GRIK4: variants seen among roughly 807,000 people sequenced by gnomAD.
GRIK4 encodes the protein glutamate receptor ionotropic, kainate 4.
GRIK4 carries 40 observed loss-of-function variants against 104.9 expected under a neutral mutation model. The ratio of observed to expected loss-of-function variants is 0.38; its 90% CI spans 0.30 to 0.50. GRIK4 has a LOEUF of 0.50. Among genes scored for constraint, GRIK4 ranks in the 20% least tolerant of loss-of-function variants. GRIK4 has a pLI of 0.93. For missense variants in GRIK4, 1,047 were observed against 1,308.1 expected (o/e 0.80, Z 3.08); for synonymous variants, 485 against 524.9 (o/e 0.92, Z 1.04).
chr11:120,698,658 C>T (rs1950497376), intron 3 of GRIK4, among the ~76,000 whole-genome samples: 1 of 152,186 alleles, frequency 6.6e-6, no homozygotes. Context: ...GGCCTGCTGC[C>T]CCTTCCCCCT....
intron 3 of GRIK4, among the ~76,000 whole-genome samples, chr11:120,738,382 G>C (rs1951264582): frequency 6.6e-6 from 1 of 152,230 alleles, no homozygotes; most frequent in Non-Finnish European, 1.5e-5. Flanking sequence ...AGGGAACCTT[G>C]AGTGATGCAA....
At chr11:120,786,743 A>C (rs1463445410) in intron 3 of GRIK4, among the ~76,000 whole-genome samples, 1 of 152,234 alleles carries the variant, frequency 6.6e-6, no homozygotes, top group Non-Finnish European at 1.5e-5. Flanking sequence ...TGGAAGATGA[A>C]GATGAGACCT....
At chr11:120,769,801 G>T (rs1951907417) in intron 3 of GRIK4, among the ~76,000 whole-genome samples, 1 of 152,104 alleles carries the variant, frequency 6.6e-6, no homozygotes, top group South Asian at 2.1e-4. Flanking sequence ...TGTTTTTGAG[G>T]GTCTGCAAGA....
intron 19 of GRIK4, among the ~76,000 whole-genome samples, chr11:120,977,061 T>C (rs1944572777): frequency 6.6e-6 from 1 of 152,230 alleles, no homozygotes; most frequent in South Asian, 2.1e-4. Flanking sequence ...ACAAAGAACA[T>C]TATTCATTTG....
intron 1 of GRIK4, among the ~76,000 whole-genome samples, chr11:120,570,612 A>C (rs1216586097): frequency 6.6e-6 from 1 of 151,982 alleles, no homozygotes; most frequent in African/African-American, 2.4e-5. Context: ...GCACCATCAC[A>C]CCTGGCTATT....
rs556214450 is a variant in GRIK4, at chr11:120,686,051, C to T, written c.82+25651C>T. ...AATTTACTTTTGAGTCTCAGTATAC[C>T]TTTAAAGTGGGATTAATTACATGTG... On this transcript the variant is annotated intron_variant, in intron 3 of 20. Coordinates refer to ENST00000527524, the MANE Select transcript of GRIK4 (RefSeq NM_014619.5). 6.6e-5 allele frequency among the ~76,000 whole-genome samples: 10 copies of T among 152,100 alleles called. No homozygotes were observed. In the South Asian group the frequency reaches 2.1e-3, roughly 32 times the overall value.
At chr11:120,671,958 G>A (rs1319923772) in intron 3 of GRIK4, among the ~76,000 whole-genome samples, 1 of 152,154 alleles carries the variant, frequency 6.6e-6, no homozygotes. Flanking sequence ...TATTTCTGAG[G>A]TCTCCGTTCT....
intron 16 of GRIK4, 133 bp from the exon 17 acceptor site, chr11:120,960,775 TC>T: frequency 1.6e-6 from 1 of 630,254 alleles, no homozygotes. Flanking sequence ...TCCTTTCTCT[TC>T]CCCCACTAAG....
intron 3 of GRIK4, among the ~76,000 whole-genome samples, chr11:120,719,124 A>T (rs960943446): frequency 4.0e-5 from 6 of 150,758 alleles, no homozygotes; most frequent in Admixed American, 4.0e-4. Context: ...TTTTAAATAA[A>T]CAAGATTTTA....
intron 16 of GRIK4, among the ~76,000 whole-genome samples, chr11:120,960,297 C>A (rs377622793): frequency 1.3e-5 from 2 of 152,304 alleles, no homozygotes; most frequent in East Asian, 1.9e-4. Flanking sequence ...CCACTGCACT[C>A]CAGCCTGGCA....
At chr11:120,955,810 C>CTT (rs11451797) in intron 15 of GRIK4, among the ~76,000 whole-genome samples, 108 of 146,994 alleles carry the variant, frequency 7.3e-4, no homozygotes, top group East Asian at 3.8e-3. Context: ...CAGCAGCATT[C>CTT]TTTTTTTTTT....
At chr11:120,908,874 G>A (rs1592068335) in intron 13 of GRIK4, among the ~76,000 whole-genome samples, 1 of 152,230 alleles carries the variant, frequency 6.6e-6, no homozygotes, top group East Asian at 1.9e-4. Context: ...CCAAGACACT[G>A]GTAACAGCAC....
At chr11:120,565,132 G>A (rs910915517) in intron 1 of GRIK4, among the ~76,000 whole-genome samples, 2 of 152,216 alleles carry the variant, frequency 1.3e-5, no homozygotes, top group African/African-American at 4.8e-5. Flanking sequence ...TGCGGAGCCC[G>A]CGTCATCCTG....
At chr11:120,699,420 A>C (rs898905124) in intron 3 of GRIK4, among the ~76,000 whole-genome samples, 8 of 152,026 alleles carry the variant, frequency 5.3e-5, no homozygotes, top group African/African-American at 1.7e-4. Flanking sequence ...TCTACAAATA[A>C]ATATTTATTT....
chr11:120,895,342 T>C (rs1161856815), intron 11 of GRIK4, among the ~76,000 whole-genome samples: 2 of 152,168 alleles, frequency 1.3e-5, no homozygotes, highest in Non-Finnish European at 2.9e-5. Context: ...ATCCCAGTGC[T>C]GACATCTAGC....
chr11:120,647,936 A>T (rs1442748762), intron 1 of GRIK4, among the ~76,000 whole-genome samples: 1 of 152,152 alleles, frequency 6.6e-6, no homozygotes, highest in Non-Finnish European at 1.5e-5. Flanking sequence ...GCATGTGGGT[A>T]TGCTGGCGCA....
At chr11:120,842,292 G>A (rs1372372829) in intron 8 of GRIK4, among the ~76,000 whole-genome samples, 1 of 152,194 alleles carries the variant, frequency 6.6e-6, no homozygotes, top group African/African-American at 2.4e-5. Context: ...TCCTCTTAGA[G>A]ACCAGTGTTA....
intron 19 of GRIK4, among the ~76,000 whole-genome samples, chr11:120,975,762 C>A (rs775246501): frequency 1.3e-5 from 2 of 152,118 alleles, no homozygotes; most frequent in Non-Finnish European, 2.9e-5. Context: ...CCCCCTGCAG[C>A]ATGAGTGGAT....
At chr11:120,869,579 C>G (rs1439832103) in intron 9 of GRIK4, 1 of 152,338 alleles carries the variant, frequency 6.6e-6, no homozygotes, top group Non-Finnish European at 1.5e-5. Flanking sequence ...AAGAGAGCAT[C>G]AGCCAAGAAA....
Sources: allele counts gnomAD v4.1 joint callset (sites outside exome capture counted in the v4.1 genomes callset), GRCh38; gene constraint gnomAD v4.1.1; transcripts MANE v1.5; gene names NCBI Gene and HGNC (gene_info 2026-07-23, HGNC 2026-07-21).